The following SLC22A23 variants were observed in gnomAD, a reference collection of about 807,000 sequenced individuals.
SLC22A23 encodes solute carrier family 22 member 23, also known as ion transporter protein.
A neutral mutation model predicts 61.0 loss-of-function variants in SLC22A23; 26 were observed. The observed-to-expected ratio is 0.43, with a 90% CI of 0.31 to 0.59. The LOEUF is 0.59. Ranked by LOEUF, SLC22A23 falls within the 20% of genes least tolerant of loss-of-function variation. SLC22A23 has a pLI of 0.11. For missense variants in SLC22A23, 796 were observed against 934.7 expected (o/e 0.85, Z 1.94); for synonymous variants, 430 against 413.9 (o/e 1.04, Z -0.47).
chr6:3,283,918 A>G lies in SLC22A23; in HGVS notation c.1637T>C (p.Phe546Ser). Residue 546 changes from phenylalanine (F) to serine (S), a missense_variant, in exon 9 of 10, where the codon TTT becomes TCT. Physicochemically the swap from Phe to Ser is radical, Grantham distance 155. Transcript: ENST00000406686. ...GAGGCTCCCCACCGCATGGGAGGCA[A>G]ACATGCCCACGATGGAAAACGCGAT... ...FSIAFSIVGM[F>S]ASHAVGSLSV... 1.2e-6 allele frequency: 2 copies of G among 1,611,014 alleles called. No individual in the cohort carries two copies. Among genetic ancestry groups the G allele is most frequent in the Non-Finnish European group, 8.5e-7 (1 of 1,177,406 alleles).
chr6:3,435,764 C>A (rs539258777), intron 1 of SLC22A23, among the ~76,000 whole-genome samples: 3 of 152,252 alleles, frequency 2.0e-5, no homozygotes, highest in Non-Finnish European at 2.9e-5. Flanking sequence ...CAAAATGTGA[C>A]CCTGTTTGGA....
rs1763321322 is a variant in SLC22A23 at position 3,327,037 on chromosome 6, TGCTGGG to T, written c.914-3041_914-3036del. Among the ~76,000 whole-genome samples the T allele has an allele frequency of 6.6e-6, 1 of 150,846 alleles. No individual in the cohort carries two copies. Among genetic ancestry groups the T allele is most frequent in the African/African-American group, 2.4e-5 (1 of 40,936 alleles). On this transcript the variant is annotated intron_variant, in intron 3 of 9. Transcript: ENST00000406686. This position sits in a 1 kb window ranked among gnomAD's most constrained non-coding sequence, Gnocchi z 4.1. The stretch of plus-strand genomic sequence containing the variant: ...ACGGGGACTGCAGGTGGATCGTTTC[TGCTGGG>T]AGGGACGGGGACTGCAGGTGGATCG...
chr6:3,451,821 C>T (rs1428763447), intron 1 of SLC22A23, among the ~76,000 whole-genome samples: 7 of 152,142 alleles, frequency 4.6e-5, no homozygotes, highest in Admixed American at 6.5e-5. Flanking sequence ...AGATGGTCCC[C>T]GGCTTAAAAC....
chr6:3,274,575 A>C (rs1758725176), intron 9 of SLC22A23, among the ~76,000 whole-genome samples: 1 of 152,218 alleles, frequency 6.6e-6, no homozygotes, highest in South Asian at 2.1e-4. Flanking sequence ...AGGCAGGTAG[A>C]TAACTCCAGC....
chr6:3,391,951 G>A (rs1383115134), intron 3 of SLC22A23, among the ~76,000 whole-genome samples: 1 of 152,160 alleles, frequency 6.6e-6, no homozygotes, highest in African/African-American at 2.4e-5. Flanking sequence ...CCATCTGGCT[G>A]GACACAGTGC....
At chr6:3,395,356 C>T (rs1215615825) in intron 3 of SLC22A23, among the ~76,000 whole-genome samples, 4 of 152,114 alleles carry the variant, frequency 2.6e-5, no homozygotes, top group Non-Finnish European at 4.4e-5. Flanking sequence ...CACATGCGTA[C>T]GGCAAACCCT....
At chr6:3,385,656 C>T (rs1767252852) in intron 3 of SLC22A23, among the ~76,000 whole-genome samples, 1 of 152,258 alleles carries the variant, frequency 6.6e-6, no homozygotes, top group Non-Finnish European at 1.5e-5. Context: ...TTGTCCCCTA[C>T]TGTTGGAGCT....
At chr6:3,290,266 G>C (rs1232297076) in intron 5 of SLC22A23, 2 of 305,920 alleles carry the variant, frequency 6.5e-6, no homozygotes, top group Non-Finnish European at 1.3e-5. Context: ...TAAACATGCA[G>C]TTCTTTTCCG....
intron 3 of SLC22A23, among the ~76,000 whole-genome samples, chr6:3,405,986 G>T (rs1267331026): frequency 6.6e-6 from 1 of 151,686 alleles, no homozygotes; most frequent in Non-Finnish European, 1.5e-5. Context: ...TTGAAGGAGG[G>T]TTATTACAAT....
intron 3 of SLC22A23, among the ~76,000 whole-genome samples, chr6:3,356,868 G>A (rs1765135688): frequency 6.6e-6 from 1 of 151,990 alleles, no homozygotes; most frequent in Non-Finnish European, 1.5e-5. Flanking sequence ...TTTCCAAGAT[G>A]GGAAATGGCC....
chr6:3,326,826 G>T (rs1327582951), intron 3 of SLC22A23, among the ~76,000 whole-genome samples: 1 of 152,172 alleles, frequency 6.6e-6, no homozygotes, highest in East Asian at 1.9e-4. Flanking sequence ...TTTTGTAAAA[G>T]AAAGCAATGA....
At chr6:3,292,192 C>T (rs1017517772) in intron 5 of SLC22A23, among the ~76,000 whole-genome samples, 1 of 152,222 alleles carries the variant, frequency 6.6e-6, no homozygotes, top group Admixed American at 6.5e-5. Context: ...GCTTCCGCAG[C>T]ATTATATCTG....
chr6:3,299,170 CGGATAT>C (rs1662115791), intron 4 of SLC22A23, among the ~76,000 whole-genome samples: 1 of 152,062 alleles, frequency 6.6e-6, no homozygotes, highest in African/African-American at 2.4e-5. Context: ...AACAGAGTAG[CGGATAT>C]GAACAACATT....
At chr6:3,319,050 G>C (rs919507334) in intron 4 of SLC22A23, among the ~76,000 whole-genome samples, 3 of 152,194 alleles carry the variant, frequency 2.0e-5, no homozygotes, top group Non-Finnish European at 2.9e-5. Flanking sequence ...CCCTCACCCG[G>C]CTCTACGCCT....
At position 3,346,943 on chromosome 6, in the gene SLC22A23, T is replaced by C. The variant is rs577069613; in HGVS notation, c.914-22941A>G. 2.0e-5 allele frequency among the ~76,000 whole-genome samples: 3 copies of C among 152,308 alleles called. No homozygotes were observed. The South Asian group carries it at 6.2e-4, about 32-fold the overall frequency. On this transcript the variant is annotated intron_variant, in intron 3 of 9. Transcript: ENST00000406686. ...TTTAACTTTTCACATTAAACAAAGATACTATGGGAATTCCCTGAAAATACA... is the reference window on the plus strand; with the variant it reads ...TTTAACTTTTCACATTAAACAAAGACACTATGGGAATTCCCTGAAAATACA...
intron 5 of SLC22A23, 36 bp from the exon 6 acceptor site, chr6:3,289,902 C>T (rs1760411913): frequency 6.3e-7 from 1 of 1,583,632 alleles, no homozygotes. Context: ...CCTGGGCAGG[C>T]CGCCCACAGA....
At chr6:3,418,635 C>T (rs2127526419) in intron 1 of SLC22A23, among the ~76,000 whole-genome samples, 1 of 152,338 alleles carries the variant, frequency 6.6e-6, no homozygotes, top group Non-Finnish European at 1.5e-5. Context: ...CTCTGGGCTT[C>T]CCCCTGGGGA....
chr6:3,415,388 T>C (rs1276406715), intron 2 of SLC22A23, among the ~76,000 whole-genome samples: 1 of 152,168 alleles, frequency 6.6e-6, no homozygotes, highest in Non-Finnish European at 1.5e-5. Context: ...CCCCATCCCC[T>C]ATTTTTTAAT....
intron 9 of SLC22A23, among the ~76,000 whole-genome samples, chr6:3,280,410 C>T (rs4435990): frequency 0.81 from 123,345 of 151,384 alleles, 51,602 homozygotes; most frequent in Non-Finnish European, 0.92. Flanking sequence ...ACGCCACAGG[C>T]GCTGCCGGCA....
Sources: gnomAD v4.1 joint callset for allele counts (sites outside exome capture counted in the v4.1 genomes callset) on GRCh38, gnomAD v4.1.1 for gene constraint, Gnocchi (gnomAD v3.1) non-coding constraint, MANE v1.5 for transcripts, NCBI Gene and HGNC (gene_info 2026-07-23, HGNC 2026-07-21) for gene names.